Variants in DIAPH2 observed in about 807,000 individuals in gnomAD.
DIAPH2 encodes the protein protein diaphanous homolog 2.
Under a neutral mutation model 92.7 loss-of-function variants are expected in DIAPH2, and 35 were observed. The ratio of observed to expected loss-of-function variants is 0.38; its 90% CI spans 0.29 to 0.50. The LOEUF is 0.50. Among genes scored for constraint, DIAPH2 ranks in the 20% least tolerant of loss-of-function variants. The pLI, the probability that DIAPH2 is intolerant of heterozygous loss-of-function variation, is 0.94. For missense variants in DIAPH2, 701 were observed against 819.5 expected, an observed-to-expected ratio of 0.86 and a Z score of 1.77; for synonymous variants, 301 against 280.4, an observed-to-expected ratio of 1.07 and a Z score of -0.73.
chrX:96,992,177 A>G (rs1031046427), intron 17 of DIAPH2, among the ~76,000 whole-genome samples: 5 of 110,961 alleles, frequency 4.5e-5, no homozygotes, highest in African/African-American at 6.6e-5. Context: ...ATACTGCTAG[A>G]CCACTCTCTA....
At chrX:97,401,598 G>A (rs191510335) in intron 25 of DIAPH2, among the ~76,000 whole-genome samples, 2 of 111,698 alleles carry the variant, frequency 1.8e-5, no homozygotes, top group East Asian at 5.6e-4. Context: ...TTCTTGCCAT[G>A]CTGCAGCTTC....
At chrX:97,383,073 G>A (rs953050255) in intron 24 of DIAPH2, among the ~76,000 whole-genome samples, 1 of 112,064 alleles carries the variant, frequency 8.9e-6, no homozygotes, top group Admixed American at 9.5e-5. Flanking sequence ...TATTCCAGCT[G>A]ATCACATTAA....
chrX:97,588,428 A>T (rs2147884261), intron 26 of DIAPH2, among the ~76,000 whole-genome samples: 1 of 111,228 alleles, frequency 9.0e-6, no homozygotes, highest in African/African-American at 3.3e-5. Flanking sequence ...ATGCTTTACT[A>T]AACATCGGTC....
intron 23 of DIAPH2, among the ~76,000 whole-genome samples, chrX:97,277,792 G>C (rs2068463680): frequency 8.9e-6 from 1 of 112,166 alleles, no homozygotes; most frequent in Non-Finnish European, 1.9e-5. Flanking sequence ...AGTGGGAATA[G>C]TTTGTAGAAA....
Position 97,424,669 on chromosome X carries a change from C to T in DIAPH2, c.3146-4981C>T, listed in dbSNP as rs191300781. Among the ~76,000 whole-genome samples, 328 of 111,956 alleles carry T rather than the reference C, an allele frequency of 2.9e-3. 1 individual carries two copies. Among genetic ancestry groups the T allele is most frequent in the African/African-American group, 8.6e-3 (264 of 30,820 alleles). On this transcript the variant is annotated intron_variant, in intron 25 of 26. Coordinates refer to ENST00000324765, the MANE Select transcript of DIAPH2 (RefSeq NM_006729.5). ...TCACTCTGTCACCCAGGCTGGAGTG[C>T]AGTGGCATGCTCATGGCTCACTGTA...
intron 19 of DIAPH2, among the ~76,000 whole-genome samples, chrX:97,080,147 C>T (rs1296150942): frequency 9.4e-6 from 1 of 106,654 alleles, no homozygotes; most frequent in Non-Finnish European, 1.9e-5. Context: ...TTTGACATTT[C>T]CTTCCTTCCT....
chrX:97,253,739 G>A (rs2147559047), intron 23 of DIAPH2, among the ~76,000 whole-genome samples: 2 of 110,854 alleles, frequency 1.8e-5, no homozygotes, highest in South Asian at 7.7e-4. Context: ...AACAGAGTGA[G>A]ACTCTGTCTC....
intron 25 of DIAPH2, among the ~76,000 whole-genome samples, chrX:97,390,208 C>CTTTTTTTT (rs142044871): frequency 3.3e-4 from 11 of 33,188 alleles, no homozygotes; most frequent in Non-Finnish European, 4.8e-4. Context: ...TGCTTTCTGT[C>CTTTTTTTT]TTTTTTTTTT....
intron 23 of DIAPH2, among the ~76,000 whole-genome samples, chrX:97,281,563 T>G (rs2068496660): frequency 9.1e-6 from 1 of 110,241 alleles, no homozygotes; most frequent in South Asian, 3.9e-4. Context: ...GCTAACATGG[T>G]GAAATCCCGT....
At chrX:97,584,042 T>C (rs1224097085) in intron 26 of DIAPH2, among the ~76,000 whole-genome samples, 1 of 112,476 alleles carries the variant, frequency 8.9e-6, no homozygotes, top group Non-Finnish European at 1.9e-5. Flanking sequence ...TCGCGCACGG[T>C]GCGTGCACCC....
At position 97,404,008 on chromosome X, in the gene DIAPH2, C is replaced by T. The variant is rs149618350; in HGVS notation, c.3145+19964C>T. 2.6e-3 allele frequency among the ~76,000 whole-genome samples: 281 copies of T among 110,173 alleles called. 1 individual carries two copies. The highest frequency in any genetic ancestry group is 8.8e-3 in the African/African-American group (265 of 30,269). ...AGCTGGGATTACAGGCATGCACCAC[C>T]ACGCCTAGCTAATTTTGTATTTTTA... On this transcript the variant is annotated intron_variant, in intron 25 of 26. Coordinates refer to ENST00000324765, the MANE Select transcript of DIAPH2 (RefSeq NM_006729.5).
At position 97,199,756 on chromosome X, in the gene DIAPH2, G is replaced by A. The variant is rs10521494; in HGVS notation, c.2720-47959G>A. Among the ~76,000 whole-genome samples the A allele has an allele frequency of 5.3e-3, 587 of 111,152 alleles. 6 individuals are homozygous for A. The highest frequency in any genetic ancestry group is 0.018 in the African/African-American group (562 of 30,611). On this transcript the variant is annotated intron_variant, in intron 22 of 26. Coordinates refer to ENST00000324765, the MANE Select transcript of DIAPH2 (RefSeq NM_006729.5). ...CTTTGGCTTCTACTCAGATTTCGAT[G>A]GACTGTACATTCATGCTCTTATCTT...
At chrX:97,340,932 C>A (rs1245687510) in intron 23 of DIAPH2, 1 of 108,816 alleles carries the variant, frequency 9.2e-6, no homozygotes, top group African/African-American at 3.3e-5. Flanking sequence ...GGATTTCACG[C>A]GTGAGCCACT....
chrX:97,439,569 C>CAA (rs200327735), intron 26 of DIAPH2, among the ~76,000 whole-genome samples: 1 of 86,189 alleles, frequency 1.2e-5, no homozygotes, highest in Non-Finnish European at 2.3e-5. Context: ...GACTCCGTCT[C>CAA]AAAAAAAAAA....
chrX:97,083,645 C>A (rs1232505921), intron 19 of DIAPH2, among the ~76,000 whole-genome samples: 1 of 111,865 alleles, frequency 8.9e-6, no homozygotes, highest in Non-Finnish European at 1.9e-5. Flanking sequence ...TTTGAAAAAT[C>A]TCTGGGGTGC....
intron 26 of DIAPH2, among the ~76,000 whole-genome samples, chrX:97,519,652 A>C (rs1408768051): frequency 1.8e-5 from 2 of 112,468 alleles, no homozygotes; most frequent in African/African-American, 3.2e-5. Flanking sequence ...CCAGATATCC[A>C]TCTGTCAGTC....
intron 24 of DIAPH2, among the ~76,000 whole-genome samples, chrX:97,350,481 G>C (rs2069202158): frequency 9.0e-6 from 1 of 110,985 alleles, no homozygotes; most frequent in African/African-American, 3.3e-5. Flanking sequence ...AATAATTCCA[G>C]TGTTACAGCC....
intron 23 of DIAPH2, among the ~76,000 whole-genome samples, chrX:97,315,103 A>T (rs1569359906): frequency 9.0e-6 from 1 of 111,435 alleles, no homozygotes; most frequent in Non-Finnish European, 1.9e-5. Flanking sequence ...TTAGACTCTT[A>T]GCCTTCTTCT....
intron 23 of DIAPH2, among the ~76,000 whole-genome samples, chrX:97,316,368 G>T (rs762327573): frequency 1.8e-5 from 2 of 109,457 alleles, no homozygotes; most frequent in Non-Finnish European, 3.8e-5. Context: ...CTAGCCGAGC[G>T]CAGTGGCTCA....
Sources: gnomAD v4.1 joint callset for allele counts (sites outside exome capture counted in the v4.1 genomes callset) on GRCh38, gnomAD v4.1.1 for gene constraint, MANE v1.5 for transcripts, NCBI Gene and HGNC (gene_info 2026-07-23, HGNC 2026-07-21) for gene names.